The following THSD4 variants were observed in gnomAD, a reference collection of about 807,000 sequenced individuals.
THSD4 encodes thrombospondin type-1 domain-containing protein 4.
A neutral mutation model predicts 119.0 loss-of-function variants in THSD4; 69 were observed. The ratio of observed to expected loss-of-function variants is 0.58; its 90% CI spans 0.48 to 0.71. The LOEUF (loss-of-function observed/expected upper bound fraction) is 0.71. THSD4 is among the 30% of genes least tolerant of loss of function. The pLI, the probability that THSD4 is intolerant of heterozygous loss-of-function variation, is 0.00. For missense variants in THSD4, 1,393 were observed against 1,391.1 expected (o/e 1.00, Z -0.02); for synonymous variants, 524 against 540.4 (o/e 0.97, Z 0.42).
At chr15:71,695,502 ATGTGTG>A (rs3086738) in intron 8 of THSD4, among the ~76,000 whole-genome samples, 47 of 144,128 alleles carry the variant, frequency 3.3e-4, no homozygotes, top group African/African-American at 9.8e-4. Context: ...GTGTGTGTGC[ATGTGTG>A]TGTGTGTGTG....
chr15:71,151,029 C>T (rs2040717395), intron 2 of THSD4, among the ~76,000 whole-genome samples: 1 of 152,054 alleles, frequency 6.6e-6, no homozygotes, highest in Non-Finnish European at 1.5e-5. Context: ...TAAATAAAGA[C>T]ATAGTATGTG....
intron 7 of THSD4, among the ~76,000 whole-genome samples, chr15:71,561,264 G>A (rs374137279): frequency 1.3e-5 from 2 of 152,234 alleles, no homozygotes; most frequent in African/African-American, 2.4e-5. Context: ...GTGAGCCACC[G>A]CACTCGGCTC....
chr15:71,267,418 A>G (rs975456940), intron 6 of THSD4, among the ~76,000 whole-genome samples: 2 of 151,370 alleles, frequency 1.3e-5, no homozygotes, highest in Admixed American at 1.3e-4. Context: ...ATGCTGAGAG[A>G]TTTTGTCATC....
chr15:71,330,860 T>A (rs1003322395), intron 6 of THSD4, among the ~76,000 whole-genome samples: 1 of 152,128 alleles, frequency 6.6e-6, no homozygotes, highest in African/African-American at 2.4e-5. Flanking sequence ...ACTAGGTTGG[T>A]AAGTAATTTC....
intron 7 of THSD4, among the ~76,000 whole-genome samples, chr15:71,532,281 A>AGAGAGAGAGAGAGAGT (rs1555423940): frequency 8.8e-6 from 1 of 113,140 alleles, no homozygotes. Flanking sequence ...AGAGAGAGAG[A>AGAGAGAGAGAGAGAGT]GAGTGTGTGT....
chr15:71,153,302 C>G (rs1831128090), intron 2 of THSD4, among the ~76,000 whole-genome samples: 1 of 152,310 alleles, frequency 6.6e-6, no homozygotes, highest in African/African-American at 2.4e-5. Context: ...CCTCCAGCCT[C>G]CTTGTGCATA....
intron 7 of THSD4, among the ~76,000 whole-genome samples, chr15:71,648,795 G>A (rs1158654642): frequency 6.6e-6 from 1 of 152,168 alleles, no homozygotes; most frequent in Non-Finnish European, 1.5e-5. Context: ...ACTGCCAAGG[G>A]ACGCGTCTCG....
intron 7 of THSD4, among the ~76,000 whole-genome samples, chr15:71,612,626 T>G (rs1439862326): frequency 6.6e-6 from 1 of 152,184 alleles, no homozygotes; most frequent in Non-Finnish European, 1.5e-5. Flanking sequence ...TTTTGACACA[T>G]TGCTAGGGGA....
chr15:71,589,383 A>C (rs1271646889), intron 7 of THSD4, among the ~76,000 whole-genome samples: 1 of 129,768 alleles, frequency 7.7e-6, no homozygotes, highest in African/African-American at 2.6e-5. Flanking sequence ...TTGGAGACAG[A>C]GTCTCACTGT....
At chr15:71,558,094 G>C (rs1022999190) in intron 7 of THSD4, among the ~76,000 whole-genome samples, 1 of 152,088 alleles carries the variant, frequency 6.6e-6, no homozygotes, top group Non-Finnish European at 1.5e-5. Context: ...TTGGGAGGTC[G>C]AGGTGGGCAG....
chr15:71,628,755 G>T (rs1266103393), intron 7 of THSD4, among the ~76,000 whole-genome samples: 4 of 152,158 alleles, frequency 2.6e-5, no homozygotes, highest in African/African-American at 9.7e-5. Flanking sequence ...GATGAATTTG[G>T]TGACTCTTCC....
chr15:71,618,502 A>T (rs1008257776), intron 7 of THSD4, among the ~76,000 whole-genome samples: 1 of 152,212 alleles, frequency 6.6e-6, no homozygotes, highest in African/African-American at 2.4e-5. Flanking sequence ...AAAAGCAGGG[A>T]TATACCCCGG....
intron 7 of THSD4, among the ~76,000 whole-genome samples, chr15:71,510,656 G>A (rs772210695): frequency 6.6e-6 from 1 of 152,202 alleles, no homozygotes; most frequent in Non-Finnish European, 1.5e-5. Context: ...TGGACCTGAA[G>A]ACAAACCAGG....
At chr15:71,261,651 G>T (rs114913883) in intron 6 of THSD4, among the ~76,000 whole-genome samples, 2 of 152,102 alleles carry the variant, frequency 1.3e-5, no homozygotes, top group African/African-American at 2.4e-5. Flanking sequence ...GACCCACATC[G>T]CATGAAGAGG....
intron 2 of THSD4, among the ~76,000 whole-genome samples, chr15:71,143,096 C>T (rs1469912909): frequency 6.6e-6 from 1 of 152,126 alleles, no homozygotes; most frequent in Non-Finnish European, 1.5e-5. Context: ...CAGAGAACTA[C>T]AAACCTCTTT....
chr15:71,603,910 T>C (rs890960591), intron 7 of THSD4, among the ~76,000 whole-genome samples: 2 of 152,112 alleles, frequency 1.3e-5, no homozygotes, highest in African/African-American at 2.4e-5. Flanking sequence ...GAGAATTCAG[T>C]CCAAGGTTTT....
chr15:71,133,616 C>T lies in THSD4; in HGVS notation c.-79-7833C>T, dbSNP rs578136673. Among the ~76,000 whole-genome samples, 286 of 152,218 alleles carry T rather than the reference C, an allele frequency of 1.9e-3. 2 individuals are homozygous for T. The highest frequency in any genetic ancestry group is 0.014 in the South Asian group (69 of 4,820). ...TAATCAAGTGCTGTAAATCAAGCAA[C>T]GAAGTCAGTCATATCTAGGGAAGAA... is the stretch of plus-strand genomic sequence containing the variant. On this transcript the variant is annotated intron_variant, in intron 1 of 17. Transcript: ENST00000261862.
intron 7 of THSD4, among the ~76,000 whole-genome samples, chr15:71,555,015 C>T (rs2048996800): frequency 6.6e-6 from 1 of 152,134 alleles, no homozygotes; most frequent in South Asian, 2.1e-4. Flanking sequence ...ACAACCATCA[C>T]CCTGAATTTT....
chr15:71,748,304 G>T, intron 13 of THSD4, 117 bp from the exon 14 acceptor site: 1 of 1,274,366 alleles, frequency 7.8e-7, no homozygotes, highest in Non-Finnish European at 1.1e-6. Context: ...CTGGTGACAT[G>T]CATGACAGAG....
Sources: gnomAD v4.1 joint callset for allele counts (sites outside exome capture counted in the v4.1 genomes callset) on GRCh38, gnomAD v4.1.1 for gene constraint, MANE v1.5 for transcripts, NCBI Gene and HGNC (gene_info 2026-07-23, HGNC 2026-07-21) for gene names.